MDGA2: variants seen among roughly 807,000 people sequenced by gnomAD.
MDGA2 encodes MAM domain-containing glycosylphosphatidylinositol anchor protein 2.
MDGA2 carries 40 observed loss-of-function variants against 117.8 expected under a neutral mutation model. The ratio of observed to expected loss-of-function variants is 0.34; its 90% CI spans 0.26 to 0.44. MDGA2 has a LOEUF of 0.44. Ranked by LOEUF, MDGA2 falls within the 20% of genes least tolerant of loss-of-function variation. The probability of loss-of-function intolerance (pLI) is 1.00; values close to 1 mark genes in which losing one functional copy is unlikely to be tolerated. For synonymous variants in MDGA2, 452 were observed against 439.0 expected (o/e 1.03, Z -0.37); for missense variants, 1,123 against 1,250.6 (o/e 0.90, Z 1.54).
chr14:47,242,101 C>T (rs1291671076), intron 2 of MDGA2, among the ~76,000 whole-genome samples: 2 of 151,874 alleles, frequency 1.3e-5, no homozygotes, highest in Non-Finnish European at 1.5e-5. Flanking sequence ...TCCTAATAAC[C>T]TATGAAGATT....
chr14:47,159,856 TG>T (rs1883558531), intron 3 of MDGA2, among the ~76,000 whole-genome samples: 1 of 152,200 alleles, frequency 6.6e-6, no homozygotes, highest in South Asian at 2.1e-4. Context: ...GAGAATCTTT[TG>T]GTTATTTTTC....
At chr14:47,095,019 T>C (rs1461114449) in intron 6 of MDGA2, among the ~76,000 whole-genome samples, 1 of 152,038 alleles carries the variant, frequency 6.6e-6, no homozygotes, top group African/African-American at 2.4e-5. Context: ...TTTGTATTTC[T>C]GTATTCCATA....
intron 3 of MDGA2, among the ~76,000 whole-genome samples, chr14:47,154,417 G>A (rs944286068): frequency 3.9e-5 from 6 of 152,142 alleles, no homozygotes; most frequent in African/African-American, 1.4e-4. Context: ...CCCCTTCCAA[G>A]TTGGTGGGGT....
chr14:47,246,074 T>G (rs189113092), intron 2 of MDGA2, among the ~76,000 whole-genome samples: 2 of 151,976 alleles, frequency 1.3e-5, no homozygotes, highest in Admixed American at 1.3e-4. Context: ...CCAAGCTCAC[T>G]TCCTACACTA....
intron 3 of MDGA2, among the ~76,000 whole-genome samples, chr14:47,146,801 T>G (rs942498969): frequency 9.2e-5 from 14 of 152,192 alleles, no homozygotes; most frequent in South Asian, 2.1e-4. Flanking sequence ...AATAGGTTTG[T>G]ACTTTCCAAC....
chr14:47,271,062 T>A (rs757200139), intron 2 of MDGA2, among the ~76,000 whole-genome samples: 4 of 152,166 alleles, frequency 2.6e-5, no homozygotes, highest in Non-Finnish European at 4.4e-5. Flanking sequence ...TGAATGCATA[T>A]GCTCTGCAGT....
At chr14:47,374,382 T>A (rs186511108) in intron 1 of MDGA2, among the ~76,000 whole-genome samples, 1 of 152,270 alleles carries the variant, frequency 6.6e-6, no homozygotes, top group Non-Finnish European at 1.5e-5. Context: ...GATTTCTGGT[T>A]ATTCACTCTG....
chr14:47,562,490 T>A (rs1895835551), intron 1 of MDGA2, among the ~76,000 whole-genome samples: 1 of 152,220 alleles, frequency 6.6e-6, no homozygotes, highest in South Asian at 2.1e-4. Flanking sequence ...GTCCAGGAAT[T>A]CATCAGTTTC....
At chr14:47,290,811 A>G (rs966335284) in intron 2 of MDGA2, among the ~76,000 whole-genome samples, 1 of 151,814 alleles carries the variant, frequency 6.6e-6, no homozygotes, top group Non-Finnish European at 1.5e-5. Flanking sequence ...AAAAAACACA[A>G]TATAAGAAAG....
intron 2 of MDGA2, among the ~76,000 whole-genome samples, chr14:47,263,144 G>C (rs1449142399): frequency 6.6e-6 from 1 of 152,130 alleles, no homozygotes. Context: ...CGGCTTCTAA[G>C]ATGCTACTAC....
rs568507766 is a variant in MDGA2 at position 47,059,916 on chromosome 14, A to G, written c.1525+1333T>C. Among the ~76,000 whole-genome samples, 8 of 152,222 alleles carry G rather than the reference A, an allele frequency of 5.3e-5. No individual in the cohort carries two copies. The East Asian group carries it at 1.5e-3, about 29-fold the overall frequency. Reference sequence around the variant, plus strand: ...GAAATATTATATTGGAATGTCATACAGTACAGTGTACAGTGTCACCTAGCA... The same window carrying G: ...GAAATATTATATTGGAATGTCATACGGTACAGTGTACAGTGTCACCTAGCA... On this transcript the variant is annotated intron_variant, in intron 7 of 16. Transcript: ENST00000399232.
chr14:47,236,253 T>C (rs1259266154), intron 2 of MDGA2, among the ~76,000 whole-genome samples: 1 of 132,224 alleles, frequency 7.6e-6, no homozygotes, highest in Non-Finnish European at 1.5e-5. Flanking sequence ...ATTGGGCCAC[T>C]GTACACCAGC....
At chr14:46,913,963 G>A (rs1268610262) in intron 10 of MDGA2, among the ~76,000 whole-genome samples, 1 of 151,996 alleles carries the variant, frequency 6.6e-6, no homozygotes, top group Non-Finnish European at 1.5e-5. Flanking sequence ...CTTAAAAAAG[G>A]AATTGGTCAA....
chr14:46,864,556 T>TG (rs1881657290), intron 14 of MDGA2, among the ~76,000 whole-genome samples: 1 of 106,626 alleles, frequency 9.4e-6, no homozygotes, highest in African/African-American at 4.6e-5. Flanking sequence ...TTTTTTTTTT[T>TG]TTTTTTTTTT....
At chr14:47,388,602 T>A (rs1891813488) in intron 1 of MDGA2, among the ~76,000 whole-genome samples, 1 of 152,174 alleles carries the variant, frequency 6.6e-6, no homozygotes, top group Non-Finnish European at 1.5e-5. Context: ...ATTCTCTTTT[T>A]CTCAGGATAT....
Position 47,619,602 on chromosome 14 carries a change from C to T in MDGA2, c.280+54915G>A, listed in dbSNP as rs548071356. Among the ~76,000 whole-genome samples, 5 of 152,238 alleles carry T rather than the reference C, an allele frequency of 3.3e-5. No individual in the cohort carries two copies. In the South Asian group the frequency reaches 8.3e-4, roughly 25 times the overall value. ...TGGCAAACATGGAATCTCAGAATGA[C>T]CAAGCCTTAAGGGCTTTCAAGGGAG... is the stretch of plus-strand genomic sequence containing the variant. On this transcript the variant is annotated intron_variant, in intron 1 of 16. Coordinates refer to ENST00000399232, the MANE Select transcript of MDGA2 (RefSeq NM_001113498.3).
chr14:47,171,854 T>C lies in MDGA2; in HGVS notation c.596-27580A>G, dbSNP rs551471665. Among the ~76,000 whole-genome samples the C allele has an allele frequency of 8.5e-5, 13 of 152,268 alleles. No homozygotes were observed. The South Asian group carries it at 2.3e-3, about 27-fold the overall frequency. On this transcript the variant is annotated intron_variant, in intron 3 of 16. Transcript: ENST00000399232. ...GAAGCAGGGCGAGGCATTGCCTTACTCAGGAAGCACAAGGGGTCAGGGAGT... is the reference window on the plus strand; with the variant it reads ...GAAGCAGGGCGAGGCATTGCCTTACCCAGGAAGCACAAGGGGTCAGGGAGT...
At chr14:47,643,473 T>C (rs749304870) in intron 1 of MDGA2, among the ~76,000 whole-genome samples, 4 of 152,074 alleles carry the variant, frequency 2.6e-5, no homozygotes, top group Non-Finnish European at 4.4e-5. Context: ...TATGGCAATT[T>C]CTTCCCAATG....
chr14:46,869,224 A>G (rs1358502890), intron 14 of MDGA2, among the ~76,000 whole-genome samples: 2 of 152,054 alleles, frequency 1.3e-5, no homozygotes, highest in African/African-American at 2.4e-5. Context: ...GAATGTATTC[A>G]TAAGTGCCTT....
Sources: gnomAD v4.1 joint callset for allele counts (sites outside exome capture counted in the v4.1 genomes callset) on GRCh38, gnomAD v4.1.1 for gene constraint, MANE v1.5 for transcripts, NCBI Gene and HGNC (gene_info 2026-07-23, HGNC 2026-07-21) for gene names.